FARP1: variants seen among roughly 807,000 people sequenced by gnomAD.
The protein encoded by FARP1 is FERM, ARHGEF and pleckstrin domain-containing protein 1.
A neutral mutation model predicts 128.8 loss-of-function variants in FARP1; 52 were observed. The ratio of observed to expected loss-of-function variants is 0.40; its 90% confidence interval spans 0.32 to 0.51. The LOEUF (loss-of-function observed/expected upper bound fraction) is 0.51. Among genes scored for constraint, FARP1 ranks in the 20% least tolerant of loss-of-function variants. The pLI is 0.45. For synonymous variants in FARP1, 580 were observed against 551.8 expected, an observed-to-expected ratio of 1.05 and a Z score of -0.72; for missense variants, 1,333 against 1,367.9, an observed-to-expected ratio of 0.97 and a Z score of 0.40.
intron 1 of FARP1, among the ~76,000 whole-genome samples, chr13:98,166,179 C>T (rs1877255413): frequency 6.6e-6 from 1 of 152,062 alleles, no homozygotes; most frequent in Non-Finnish European, 1.5e-5. Context: ...CAGAGGGTAC[C>T]ATTAAATAAT....
At chr13:98,174,510 A>G (rs1877857395) in intron 1 of FARP1, among the ~76,000 whole-genome samples, 1 of 152,218 alleles carries the variant, frequency 6.6e-6, no homozygotes, top group Non-Finnish European at 1.5e-5. Context: ...CTTGAAAGTG[A>G]ATAAAATAGC....
chr13:98,395,319 C>G lies in FARP1; in HGVS notation c.1257C>G (p.Ala419=). 1 of 1,610,188 alleles carries G rather than the reference C, an allele frequency of 6.2e-7. No individual in the cohort carries two copies. The highest frequency in any genetic ancestry group is 8.5e-7 in the Non-Finnish European group (1 of 1,177,628). ...GAGGAAAGGAACCGAAGGTTTCCGC[C>G]GGGGAGCCGGGGTCGCACCCGAGCC... The part of the protein sequence containing the change: ...CRRGKEPKVS[A]GEPGSHPSPA... Residue 419 remains alanine, a synonymous_variant, in exon 13 of 27, where the codon GCC becomes GCG. Transcript: ENST00000319562.
At chr13:98,258,464 G>A (rs1383245954) in intron 2 of FARP1, among the ~76,000 whole-genome samples, 3 of 152,156 alleles carry the variant, frequency 2.0e-5, no homozygotes, top group Non-Finnish European at 4.4e-5. Flanking sequence ...TGAGCATCGT[G>A]TTTGCTAATT....
intron 2 of FARP1, among the ~76,000 whole-genome samples, chr13:98,312,483 G>C (rs1249825923): frequency 1.3e-4 from 20 of 152,242 alleles, no homozygotes; most frequent in Admixed American, 1.2e-3. Context: ...TTTGCAAGGT[G>C]CATGTTTGTG....
chr13:98,317,293 G>A (rs679364), intron 2 of FARP1, among the ~76,000 whole-genome samples: 29,329 of 152,150 alleles, frequency 0.19, 3,298 homozygotes, highest in Non-Finnish European at 0.27. Flanking sequence ...GGGGTCTTGC[G>A]CTGTCACCCA....
intron 2 of FARP1, among the ~76,000 whole-genome samples, chr13:98,304,942 T>C (rs1043077769): frequency 5.9e-5 from 9 of 152,194 alleles, no homozygotes; most frequent in African/African-American, 2.2e-4. Flanking sequence ...TGCTTCCGAA[T>C]CTTTCAGCCT....
At chr13:98,246,339 C>CT (rs1883064347) in intron 2 of FARP1, among the ~76,000 whole-genome samples, 1 of 150,932 alleles carries the variant, frequency 6.6e-6, no homozygotes, top group Non-Finnish European at 1.5e-5. Flanking sequence ...TCGTGATCCC[C>CT]GCCTCGGCCT....
In FARP1 at chr13:98,264,990, G is replaced by T. The variant is rs1334178680; in HGVS notation, c.171+51577G>T. 3.9e-5 allele frequency among the ~76,000 whole-genome samples: 6 copies of T among 152,230 alleles called. No individual in the cohort carries two copies. The East Asian group carries it at 1.2e-3, about 29-fold the overall frequency. On this transcript the variant is annotated intron_variant, in intron 2 of 26. Coordinates refer to ENST00000319562, the MANE Select transcript of FARP1 (RefSeq NM_005766.4). ...TGTATTCTTAGTACTTGCTTATCTAGCATGGTACTCAGCCAGGCTTTGGGC... is the reference window on the plus strand; with the variant it reads ...TGTATTCTTAGTACTTGCTTATCTATCATGGTACTCAGCCAGGCTTTGGGC...
chr13:98,176,534 A>G lies in FARP1; in HGVS notation c.-24+33042A>G, dbSNP rs777005575. The G allele has an allele frequency of 2.5e-6, 4 of 1,614,150 alleles. No individual in the cohort carries two copies. Among genetic ancestry groups the G allele is most frequent in the South Asian group, 2.2e-5 (2 of 91,076 alleles). Reference sequence around the variant, plus strand: ...TGGTTTTCGTCCTCGCAGATACAGTAGCGACCCTCTTCAAGCTCCCGTTCA... The same window carrying G: ...TGGTTTTCGTCCTCGCAGATACAGTGGCGACCCTCTTCAAGCTCCCGTTCA... On this transcript the variant is annotated intron_variant, in intron 1 of 26. Transcript: ENST00000319562. This position sits in a 1 kb window ranked among gnomAD's most constrained non-coding sequence, Gnocchi z 6.2.
chr13:98,216,531 G>A (rs1358027510), intron 2 of FARP1, among the ~76,000 whole-genome samples: 1 of 152,180 alleles, frequency 6.6e-6, no homozygotes, highest in Non-Finnish European at 1.5e-5. Context: ...GGGATGACTG[G>A]TGTCTTTCCC....
At chr13:98,266,585 T>C (rs1033421603) in intron 2 of FARP1, among the ~76,000 whole-genome samples, 3 of 152,214 alleles carry the variant, frequency 2.0e-5, no homozygotes, top group Non-Finnish European at 4.4e-5. Flanking sequence ...TGAACTACTC[T>C]TTGGAAAAAC....
intron 24 of FARP1, chr13:98,445,586 C>G (rs762632540): frequency 1.3e-5 from 2 of 152,424 alleles, no homozygotes; most frequent in African/African-American, 4.8e-5. Context: ...CCCCTCAAAA[C>G]GAGTGCTGCT....
At position 98,292,951 on chromosome 13, in the gene FARP1, A is replaced by C. The variant is rs113298723; in HGVS notation, c.172-50811A>C. Among the ~76,000 whole-genome samples the C allele has an allele frequency of 6.4e-3, 970 of 152,276 alleles. 8 individuals carry two copies. The highest frequency in any genetic ancestry group is 0.022 in the African/African-American group (904 of 41,550). ...TTGTTCTAAGACACTTACATAGAAA[A>C]TATAACCTATTTTAATAAGAAAATA... On this transcript the variant is annotated intron_variant, in intron 2 of 26. Coordinates refer to ENST00000319562, the MANE Select transcript of FARP1 (RefSeq NM_005766.4).
At chr13:98,446,270 C>G in intron 25 of FARP1, 65 bp downstream of exon 25, 2 of 1,028,130 alleles carry the variant, frequency 1.9e-6, no homozygotes, top group Non-Finnish European at 3.0e-6. Flanking sequence ...GGTGAGGGGG[C>G]CGCCCTCCTC....
chr13:98,306,840 G>A (rs1183060282), intron 2 of FARP1, among the ~76,000 whole-genome samples: 1 of 150,734 alleles, frequency 6.6e-6, no homozygotes, highest in Non-Finnish European at 1.5e-5. Flanking sequence ...TCCAAAATCT[G>A]TGCTCTTTAT....
rs1890181875 is a variant in FARP1 at position 98,388,454 on chromosome 13, C to T, written c.831C>T (p.Leu277=). Residue 277 remains leucine (L), a synonymous_variant, in exon 9 of 27, where the codon CTC becomes CTT. Coordinates refer to ENST00000319562, the MANE Select transcript of FARP1 (RefSeq NM_005766.4). ...TGAGCTTCAAGAGGAAGCGCTTTCT[C>T]ATCAAGCTCCGGCCAGATGCCAATG... ...RKLSFKRKRF[L]IKLRPDANSA... The T allele has an allele frequency of 3.1e-6, 5 of 1,613,806 alleles. No individual in the cohort carries two copies. In the Admixed American group the frequency reaches 6.7e-5, roughly 22 times the overall value.
At chr13:98,335,963 G>C (rs879412386) in intron 2 of FARP1, among the ~76,000 whole-genome samples, 1 of 152,112 alleles carries the variant, frequency 6.6e-6, no homozygotes, top group African/African-American at 2.4e-5. Flanking sequence ...TCCCAAAACG[G>C]CTCTCTGTAA....
In FARP1 at chr13:98,176,400, G is replaced by A. The variant is rs758225579; in HGVS notation, c.-24+32908G>A. 5 of 1,614,190 alleles carry A rather than the reference G, an allele frequency of 3.1e-6. No individual in the cohort carries two copies. The highest frequency in any genetic ancestry group is 2.5e-6 in the Non-Finnish European group (3 of 1,180,028). On this transcript the variant is annotated intron_variant, in intron 1 of 26. Transcript: ENST00000319562. This position sits in a 1 kb window ranked among gnomAD's most constrained non-coding sequence, Gnocchi z 6.2. Reference sequence around the variant, plus strand: ...GGGTGGCCCGGAAGTGCTCCAGCGCGCAGCTCTCGCAGAAATAATGCCTGC... The same window carrying A: ...GGGTGGCCCGGAAGTGCTCCAGCGCACAGCTCTCGCAGAAATAATGCCTGC...
chr13:98,392,500 CA>C (rs768704584), intron 11 of FARP1, among the ~76,000 whole-genome samples: 613 of 136,118 alleles, frequency 4.5e-3, no homozygotes, highest in African/African-American at 5.1e-3. Context: ...GATCCTGTCC[CA>C]AAAAAAAAAA....
Sources: gnomAD v4.1 joint callset for allele counts (sites outside exome capture counted in the v4.1 genomes callset) on GRCh38, gnomAD v4.1.1 for gene constraint, Gnocchi (gnomAD v3.1) non-coding constraint, MANE v1.5 for transcripts, NCBI Gene and HGNC (gene_info 2026-07-23, HGNC 2026-07-21) for gene names.